IL6ST: variants seen among roughly 807,000 people sequenced by gnomAD.
IL6ST encodes the protein interleukin-6 receptor subunit beta.
In IL6ST, 24 loss-of-function variants were observed where a neutral mutation model predicts 91.3. That is an observed-to-expected ratio of 0.26 (90% confidence interval 0.19 to 0.37). The LOEUF is 0.37. Among genes scored for constraint, IL6ST ranks in the 10% least tolerant of loss-of-function variants. The probability of loss-of-function intolerance (pLI) is 1.00; values close to 1 mark genes in which losing one functional copy is unlikely to be tolerated. For missense variants in IL6ST, 914 were observed against 1,078.5 expected (o/e 0.85, Z 2.14); for synonymous variants, 351 against 373.6 (o/e 0.94, Z 0.70).
In IL6ST at chr5:55,960,174, G is replaced by A. The variant is rs142478918; in HGVS notation, c.973+228C>T. Reference sequence around the variant, plus strand: ...ACTGGGATTACAGGTGTGAGCCACCGCATCTGGCCTCCATGATAATTTAAT... The same window carrying A: ...ACTGGGATTACAGGTGTGAGCCACCACATCTGGCCTCCATGATAATTTAAT... On this transcript the variant is annotated intron_variant, in intron 8 of 16. Coordinates refer to ENST00000381298, the MANE Select transcript of IL6ST (RefSeq NM_002184.4). Among the ~76,000 whole-genome samples the A allele has an allele frequency of 2.6e-4, 40 of 152,186 alleles. No homozygotes were observed. The East Asian group carries it at 6.2e-3, about 23-fold the overall frequency.
At chr5:55,992,691 T>C (rs1470263636) in intron 1 of IL6ST, among the ~76,000 whole-genome samples, 2 of 152,218 alleles carry the variant, frequency 1.3e-5, no homozygotes, top group East Asian at 1.9e-4. Flanking sequence ...TTCGCTATTA[T>C]TAATGGGCTG....
intron 7 of IL6ST, among the ~76,000 whole-genome samples, chr5:55,962,341 G>A: frequency 6.6e-6 from 1 of 152,172 alleles, no homozygotes; most frequent in East Asian, 1.9e-4. Context: ...AGCAACAAAA[G>A]CAAAGACATA....
intron 10 of IL6ST, among the ~76,000 whole-genome samples, chr5:55,955,809 G>C (rs879691276): frequency 6.6e-6 from 1 of 152,150 alleles, no homozygotes; most frequent in Non-Finnish European, 1.5e-5. Flanking sequence ...TTGAGCTCAG[G>C]AGTTCGAGAC....
At position 55,952,086 on chromosome 5, in the gene IL6ST, G is replaced by A. The variant is rs1751669485; in HGVS notation, c.1553-11C>T. 6.2e-7 allele frequency: 1 copy of A among 1,603,452 alleles called. No homozygotes were observed. The highest frequency in any genetic ancestry group is 1.7e-5 in the Admixed American group (1 of 57,204). ...GTCCTTTGGAAGGTGCTGTAACAGA[G>A]TGAACACATTTGCTAACTGAAAATC... On this transcript the variant is annotated splice_polypyrimidine_tract_variant and intron_variant, in intron 12 of 16. Coordinates refer to ENST00000381298, the MANE Select transcript of IL6ST (RefSeq NM_002184.4).
At chr5:55,944,656 A>G in intron 15 of IL6ST, 1 of 997,992 alleles carries the variant, frequency 1.0e-6, no homozygotes, top group Non-Finnish European at 1.5e-6. Context: ...CCTCGGCGCC[A>G]TGAGAGCCAA....
intron 11 of IL6ST, 120 bp downstream of exon 11, chr5:55,954,690 T>C: frequency 1.5e-6 from 1 of 650,422 alleles, no homozygotes; most frequent in Non-Finnish European, 2.6e-6. Context: ...ATCTAGTAAG[T>C]AGTGAGGCTA....
chr5:55,950,535 CAAAAA>C (rs70995750), intron 14 of IL6ST, among the ~76,000 whole-genome samples: 5 of 29,362 alleles, frequency 1.7e-4, no homozygotes, highest in South Asian at 2.0e-3. Context: ...GACTCTGTCT[CAAAAA>C]AAAAAAAAAA....
intron 3 of IL6ST, among the ~76,000 whole-genome samples, chr5:55,972,208 G>T (rs548100892): frequency 6.6e-6 from 1 of 152,100 alleles, no homozygotes; most frequent in South Asian, 2.1e-4. Flanking sequence ...CAGAATAAGA[G>T]AAATATTAAA....
intron 15 of IL6ST, among the ~76,000 whole-genome samples, chr5:55,943,819 C>T (rs1248854284): frequency 6.6e-6 from 1 of 152,044 alleles, no homozygotes; most frequent in Admixed American, 6.6e-5. Context: ...CCTGTAATCC[C>T]AACACTTTGG....
rs1279866585 is a variant in IL6ST at position 55,977,715 on chromosome 5, A to G, written c.-15-1422T>C. On this transcript the variant is annotated intron_variant, in intron 2 of 16. Coordinates refer to ENST00000381298, the MANE Select transcript of IL6ST (RefSeq NM_002184.4). ...GTGGCGGGTGTCTGTGATGCCAGCT[A>G]CTCGGGAGGCTGAGGCAGGAGAACT... 1.4e-4 allele frequency among the ~76,000 whole-genome samples: 21 copies of G among 152,038 alleles called. 1 individual carries two copies. Among genetic ancestry groups the G allele is most frequent in the Admixed American group, 1.4e-3 (21 of 15,262 alleles).
intron 8 of IL6ST, 53 bp downstream of exon 8, chr5:55,960,349 G>C: frequency 6.9e-7 from 1 of 1,440,092 alleles, no homozygotes; most frequent in Non-Finnish European, 9.6e-7. Context: ...ACCAGAACCA[G>C]TTCACATCTG....
intron 8 of IL6ST, 24 bp from the exon 9 acceptor site, chr5:55,957,315 T>A: frequency 1.7e-6 from 2 of 1,199,920 alleles, no homozygotes; most frequent in Non-Finnish European, 2.4e-6. Flanking sequence ...ATAAACTCCT[T>A]AAAATAAAAA....
intron 3 of IL6ST, among the ~76,000 whole-genome samples, chr5:55,973,546 C>A (rs181714257): frequency 2.0e-5 from 3 of 152,210 alleles, no homozygotes; most frequent in South Asian, 2.1e-4. Context: ...CCCAGCAAAG[C>A]CCTCAGCCTG....
In IL6ST at chr5:55,936,770, C is replaced by G. The variant is rs1160211766; in HGVS notation, c.*4312G>C. On this transcript the variant is annotated 3_prime_UTR_variant, in exon 17 of 17. Transcript: ENST00000381298. ...AAAATAGCTGTGGTTACAATTAGCA[C>G]ATGCAATTCACTGCAAAGGTAAAAA... 1 of 192,662 alleles carries G rather than the reference C, an allele frequency of 5.2e-6. No individual in the cohort carries two copies. Among genetic ancestry groups the G allele is most frequent in the East Asian group, 8.3e-5 (1 of 12,058 alleles). The allele number at this position is 192,662 out of a possible 1,614,324, so 11.9% of individuals were successfully genotyped here.
Position 55,936,750 on chromosome 5 carries a change from A to T in IL6ST, c.*4332T>A. ...TTTGGAGTTATGTCAACATAAAAAT[A>T]GCTGTGGTTACAATTAGCACATGCA... On this transcript the variant is annotated 3_prime_UTR_variant, in exon 17 of 17. Transcript: ENST00000381298. 1 of 192,594 alleles carries T rather than the reference A, an allele frequency of 5.2e-6. No individual in the cohort carries two copies. Among genetic ancestry groups the T allele is most frequent in the Non-Finnish European group, 1.1e-5 (1 of 92,284 alleles). The allele number at this position is 192,594 out of a possible 1,614,324, so 11.9% of individuals were successfully genotyped here.
chr5:55,937,877 A>T lies in IL6ST; in HGVS notation c.*3205T>A, dbSNP rs1750635130. The T allele has an allele frequency of 5.0e-6, 1 of 198,044 alleles. No individual in the cohort carries two copies. Among genetic ancestry groups the T allele is most frequent in the African/African-American group, 2.3e-5 (1 of 43,580 alleles). The allele number at this position is 198,044 out of a possible 1,614,324, so 12.3% of individuals were successfully genotyped here. ...ATAACAACTGAGCAAAATTAGAATG[A>T]TGTGGACTATAACAGAATGAAGGAA... On this transcript the variant is annotated 3_prime_UTR_variant, in exon 17 of 17. Transcript: ENST00000381298.
chr5:55,950,826 C>T (rs1245980206), intron 14 of IL6ST, among the ~76,000 whole-genome samples: 3 of 151,582 alleles, frequency 2.0e-5, no homozygotes, highest in Admixed American at 1.3e-4. Flanking sequence ...TGTGGTGGCA[C>T]TGGTCCCAGC....
At chr5:55,967,883 G>A (rs1374377653) in intron 5 of IL6ST, among the ~76,000 whole-genome samples, 2 of 151,868 alleles carry the variant, frequency 1.3e-5, no homozygotes, top group Non-Finnish European at 1.5e-5. Flanking sequence ...TGCAACCTCC[G>A]CCTCCTGGAT....
In IL6ST at chr5:55,969,818, T is replaced by C; in HGVS notation, c.102A>G (p.Glu34=). The C allele has an allele frequency of 6.8e-6, 11 of 1,610,586 alleles. No homozygotes were observed. The highest frequency in any genetic ancestry group is 9.3e-6 in the Non-Finnish European group (11 of 1,177,134). Residue 34 remains glutamate (E), a synonymous_variant, in exon 4 of 17, where the codon GAA becomes GAG. Transcript: ENST00000381298. ...LLDPCGYISP[E]SPVVQLHSNF... is the part of the protein sequence containing the mutation. ...TAGAATGAAGTTGTACAACTGGAGATTCAGGACTGATATAACCACATGGAT... is the reference window on the plus strand; with the variant it reads ...TAGAATGAAGTTGTACAACTGGAGACTCAGGACTGATATAACCACATGGAT...
Sources: gnomAD v4.1 joint callset for allele counts (sites outside exome capture counted in the v4.1 genomes callset) on GRCh38, gnomAD v4.1.1 for gene constraint, MANE v1.5 for transcripts, NCBI Gene and HGNC (gene_info 2026-07-23, HGNC 2026-07-21) for gene names.